Variants in PRKCB observed in about 807,000 individuals in gnomAD.
PRKCB encodes protein kinase C beta type.
Under a neutral mutation model 81.5 loss-of-function variants are expected in PRKCB, and 13 were observed. The ratio of observed to expected loss-of-function variants is 0.16; its 90% CI spans 0.10 to 0.25. The LOEUF is 0.25. Among genes scored for constraint, PRKCB ranks in the 10% least tolerant of loss-of-function variants. The pLI is 1.00. For synonymous variants in PRKCB, 335 were observed against 321.4 expected (o/e 1.04, Z -0.45); for missense variants, 509 against 875.7 (o/e 0.58, Z 5.29).
chr16:24,107,716 C>T (rs913693952), intron 7 of PRKCB, among the ~76,000 whole-genome samples: 5 of 152,178 alleles, frequency 3.3e-5, no homozygotes, highest in Non-Finnish European at 7.3e-5. Context: ...TGCCCCTGCC[C>T]GCTGCGCCAG....
chr16:24,017,251 G>A (rs1027012572), intron 3 of PRKCB, among the ~76,000 whole-genome samples: 2 of 152,136 alleles, frequency 1.3e-5, no homozygotes, highest in African/African-American at 2.4e-5. Flanking sequence ...TCATAAAAGA[G>A]GCATTTCAAA....
intron 2 of PRKCB, among the ~76,000 whole-genome samples, chr16:23,953,518 G>A (rs921207934): frequency 3.9e-5 from 6 of 152,192 alleles, no homozygotes; most frequent in African/African-American, 1.4e-4. Flanking sequence ...TCTGTTGAGA[G>A]CTCCTCATCC....
chr16:23,877,563 C>T (rs1197176645), intron 2 of PRKCB, among the ~76,000 whole-genome samples: 5 of 152,172 alleles, frequency 3.3e-5, no homozygotes, highest in African/African-American at 7.2e-5. Flanking sequence ...CACTTATTCA[C>T]TCTGAGCTCA....
At chr16:24,189,462 C>A (rs1338083771) in intron 15 of PRKCB, among the ~76,000 whole-genome samples, 1 of 151,858 alleles carries the variant, frequency 6.6e-6, no homozygotes, top group Non-Finnish European at 1.5e-5. Flanking sequence ...CATGGTGAAA[C>A]CCCGTCTCTA....
At chr16:24,084,901 G>A (rs1205502926) in intron 5 of PRKCB, among the ~76,000 whole-genome samples, 1 of 152,114 alleles carries the variant, frequency 6.6e-6, no homozygotes, top group East Asian at 1.9e-4. Flanking sequence ...TGGGTATATA[G>A]TGGCATGAAG....
chr16:23,902,734 CT>C (rs1324608687), intron 2 of PRKCB, among the ~76,000 whole-genome samples: 1,069 of 18,252 alleles, frequency 0.059, 134 homozygotes, highest in African/African-American at 0.2. Context: ...CCCTTCCTCC[CT>C]TCCTTCCTTC....
At chr16:23,871,315 C>G (rs970867313) in intron 2 of PRKCB, among the ~76,000 whole-genome samples, 2 of 152,208 alleles carry the variant, frequency 1.3e-5, no homozygotes, top group African/African-American at 4.8e-5. Flanking sequence ...AGTCATCTTT[C>G]TCTCCACATG....
chr16:24,169,730 TC>T (rs1380812048), intron 10 of PRKCB, among the ~76,000 whole-genome samples: 1 of 152,106 alleles, frequency 6.6e-6, no homozygotes, highest in East Asian at 1.9e-4. Flanking sequence ...GCTCTGTTTT[TC>T]CCCCGTGGCA....
At chr16:23,870,379 TG>T (rs1445442708) in intron 2 of PRKCB, among the ~76,000 whole-genome samples, 1 of 152,208 alleles carries the variant, frequency 6.6e-6, no homozygotes, top group African/African-American at 2.4e-5. Context: ...GTATATAGCA[TG>T]TGGTATGTGC....
intron 9 of PRKCB, among the ~76,000 whole-genome samples, chr16:24,126,571 G>A (rs1455204960): frequency 6.6e-6 from 1 of 151,996 alleles, no homozygotes; most frequent in African/African-American, 2.4e-5. Flanking sequence ...GCTAATTTTT[G>A]TTTTTGTTTT....
At chr16:24,121,712 TG>T (rs1342142880) in intron 8 of PRKCB, among the ~76,000 whole-genome samples, 3 of 152,228 alleles carry the variant, frequency 2.0e-5, no homozygotes, top group African/African-American at 7.2e-5. Context: ...GAATCTTCCC[TG>T]ATATTCAAAA....
chr16:24,204,286 AACTTTTAAGTCCGTGCCAC>A (rs1189846898), intron 16 of PRKCB, among the ~76,000 whole-genome samples: 6 of 152,106 alleles, frequency 3.9e-5, no homozygotes, highest in Admixed American at 2.0e-4. Context: ...AGGTTAGCTT[AACTTTTAAGTCCGTGCCAC>A]ACAATCAGAT....
intron 2 of PRKCB, among the ~76,000 whole-genome samples, chr16:23,881,456 T>C (rs1217175454): frequency 1.3e-5 from 2 of 152,154 alleles, no homozygotes; most frequent in African/African-American, 2.4e-5. Context: ...TTCATCATGT[T>C]GCCCAGGCTG....
In PRKCB at chr16:24,081,284, T is replaced by C. The variant is rs77113322; in HGVS notation, c.530-11507T>C. ...AATAATAAAAAAAAAAATCAACCAATGTAATTTACCATATTAATAATCTAA... is the reference window on the plus strand; with the variant it reads ...AATAATAAAAAAAAAAATCAACCAACGTAATTTACCATATTAATAATCTAA... On this transcript the variant is annotated intron_variant, in intron 5 of 16. Coordinates refer to ENST00000643927, the MANE Select transcript of PRKCB (RefSeq NM_002738.7). Among the ~76,000 whole-genome samples, 698 of 151,340 alleles carry C rather than the reference T, an allele frequency of 4.6e-3. 4 individuals carry two copies. The highest frequency in any genetic ancestry group is 0.016 in the African/African-American group (666 of 41,290).
At chr16:23,928,443 A>C (rs890341790) in intron 2 of PRKCB, among the ~76,000 whole-genome samples, 1 of 152,176 alleles carries the variant, frequency 6.6e-6, no homozygotes, top group Admixed American at 6.5e-5. Context: ...ACATTTACTG[A>C]GCAAGAGCTT....
intron 1 of PRKCB, among the ~76,000 whole-genome samples, chr16:23,836,812 G>T (rs891107807): frequency 5.9e-5 from 9 of 151,388 alleles, no homozygotes; most frequent in Non-Finnish European, 8.8e-5. Context: ...CTCCCTGCGG[G>T]CATGGGACAT....
chr16:24,148,745 G>C (rs1476795078), intron 9 of PRKCB, among the ~76,000 whole-genome samples: 3 of 152,088 alleles, frequency 2.0e-5, no homozygotes, highest in African/African-American at 7.2e-5. Context: ...TCTAAAACGA[G>C]GGTCAGCAGA....
In PRKCB at chr16:23,911,825, C is replaced by CTTTTTTTTTTTTTTTTTTTTTT. The variant is rs1567311221; in HGVS notation, c.205+74419_205+74420insTTTTTTTTTTTTTTTTTTTTTT. 2.4e-5 allele frequency among the ~76,000 whole-genome samples: 3 copies of CTTTTTTTTTTTTTTTTTTTTTT among 126,372 alleles called. 1 individual carries two copies. Among genetic ancestry groups the CTTTTTTTTTTTTTTTTTTTTTT allele is most frequent in the Non-Finnish European group, 4.9e-5 (3 of 61,704 alleles). The allele number at this position is 126,372 out of a possible 152,430, so 82.9% of individuals were successfully genotyped here. A position where few individuals can be genotyped will look rare whatever the true frequency, so the allele number is the denominator to read the frequency against. ...CTTGTCCTGGGATATGCGCGACCCA[C>CTTTTTTTTTTTTTTTTTTTTTT]ATTTTTTTTTTTTTTTTTTTTTTTT... is the stretch of plus-strand genomic sequence containing the variant. On this transcript the variant is annotated intron_variant, in intron 2 of 16. Transcript: ENST00000643927.
chr16:24,217,689 G>C lies in PRKCB; in HGVS notation c.*2873G>C. The C allele has an allele frequency of 1.0e-6, 1 of 985,538 alleles. No homozygotes were observed. The highest frequency in any genetic ancestry group is 1.2e-6 in the Non-Finnish European group (1 of 830,036). The allele number at this position is 985,538 out of a possible 1,614,324, so 61.0% of individuals were successfully genotyped here. A position where few individuals can be genotyped will look rare whatever the true frequency, so the allele number is the denominator to read the frequency against. Reference sequence around the variant, plus strand: ...AACGGGGCAGGGCTTTCCAAGGTGGGGCTGGTCAGAAGGGAATCTTTGATA... The same window carrying C: ...AACGGGGCAGGGCTTTCCAAGGTGGCGCTGGTCAGAAGGGAATCTTTGATA... On this transcript the variant is annotated 3_prime_UTR_variant, in exon 17 of 17. Transcript: ENST00000643927.
Sources: gnomAD v4.1 joint callset for allele counts (sites outside exome capture counted in the v4.1 genomes callset) on GRCh38, gnomAD v4.1.1 for gene constraint, MANE v1.5 for transcripts, NCBI Gene and HGNC (gene_info 2026-07-23, HGNC 2026-07-21) for gene names.